WDR45B: variants seen among roughly 807,000 people sequenced by gnomAD.
WDR45B encodes the protein WD repeat domain 45B.
In WDR45B, 20 loss-of-function variants were observed where a neutral mutation model predicts 44.6. The ratio of observed to expected loss-of-function variants is 0.45; its 90% confidence interval spans 0.32 to 0.65. The LOEUF (loss-of-function observed/expected upper bound fraction) is 0.65. Among genes scored for constraint, WDR45B ranks in the 30% least tolerant of loss-of-function variants. The probability of loss-of-function intolerance (pLI) is 0.05; values close to 1 mark genes in which losing one functional copy is unlikely to be tolerated. For synonymous variants in WDR45B, 169 were observed against 164.9 expected, an observed-to-expected ratio of 1.02 and a Z score of -0.19; for missense variants, 323 against 430.2, an observed-to-expected ratio of 0.75 and a Z score of 2.20.
intron 2 of WDR45B, among the ~76,000 whole-genome samples, chr17:82,639,662 G>A (rs995695975): frequency 1.1e-4 from 16 of 151,998 alleles, no homozygotes; most frequent in African/African-American, 3.6e-4. Flanking sequence ...GCCGGGCTGT[G>A]TGTGTGTCGG....
intron 2 of WDR45B, among the ~76,000 whole-genome samples, chr17:82,631,277 ATTTTTTTTTTTT>A (rs386386786): frequency 5.8e-5 from 5 of 86,822 alleles, no homozygotes; most frequent in African/African-American, 2.6e-4. Flanking sequence ...TACAGGACTC[ATTTTTTTTTTTT>A]TTTTTTTTTT....
intron 1 of WDR45B, among the ~76,000 whole-genome samples, chr17:82,647,113 C>T (rs1487959670): frequency 6.6e-6 from 1 of 152,176 alleles, no homozygotes. Context: ...CCTGTAATCC[C>T]AGCTACTCAG....
At chr17:82,629,531 C>A in intron 3 of WDR45B, 1 of 985,536 alleles carries the variant, frequency 1.0e-6, no homozygotes, top group Non-Finnish European at 1.2e-6. Flanking sequence ...ACAGACAAAC[C>A]TTGTGAGATT....
intron 6 of WDR45B, among the ~76,000 whole-genome samples, chr17:82,619,833 A>T (rs900465800): frequency 6.6e-6 from 1 of 152,204 alleles, no homozygotes; most frequent in Non-Finnish European, 1.5e-5. Flanking sequence ...GGGACAAGGC[A>T]GGAGCAGCCT....
intron 3 of WDR45B, among the ~76,000 whole-genome samples, chr17:82,630,703 C>T (rs147209181): frequency 6.6e-6 from 1 of 152,326 alleles, no homozygotes; most frequent in South Asian, 2.1e-4. Flanking sequence ...CTGAAACGCA[C>T]GTGTTCTATG....
At chr17:82,647,924 T>C (rs534430646) in intron 1 of WDR45B, among the ~76,000 whole-genome samples, 8 of 149,092 alleles carry the variant, frequency 5.4e-5, no homozygotes, top group African/African-American at 2.0e-4. Flanking sequence ...CGAGTGGGCG[T>C]GGCGCGCGGG....
At chr17:82,625,615 A>G (rs2045685523) in intron 4 of WDR45B, 132 bp from the exon 5 acceptor site, 1 of 962,922 alleles carries the variant, frequency 1.0e-6, no homozygotes, top group East Asian at 2.7e-5. Flanking sequence ...TCCTGAAGAA[A>G]AAGCTCTGGA....
At chr17:82,621,586 A>G (rs1251906222) in intron 6 of WDR45B, 23 bp downstream of exon 6, 1 of 1,613,858 alleles carries the variant, frequency 6.2e-7, no homozygotes, top group Non-Finnish European at 8.5e-7. Flanking sequence ...GCACAACACC[A>G]ACAAGGTGAG....
At chr17:82,619,294 G>A (rs1233094911) in intron 6 of WDR45B, among the ~76,000 whole-genome samples, 166 bp from the exon 7 acceptor site, 1 of 152,088 alleles carries the variant, frequency 6.6e-6, no homozygotes, top group Non-Finnish European at 1.5e-5. Context: ...ACACAGTTGT[G>A]CCCCTGAGAA....
intron 2 of WDR45B, among the ~76,000 whole-genome samples, chr17:82,636,297 G>A (rs764638553): frequency 9.3e-5 from 14 of 150,336 alleles, no homozygotes; most frequent in Non-Finnish European, 1.3e-4. Flanking sequence ...AACACAGTCA[G>A]TCACAGGCAC....
rs1418503840 is a variant in WDR45B at position 82,615,873 on chromosome 17, G to A, written c.*46C>T. 4 of 1,576,810 alleles carry A rather than the reference G, an allele frequency of 2.5e-6. No individual in the cohort carries two copies. Among genetic ancestry groups the A allele is most frequent in the Non-Finnish European group, 3.5e-6 (4 of 1,147,438 alleles). ...TGGGGCACTGGCACCAGCCCCGAGA[G>A]TCTGAAGGCGGCAGGTGGTGGGTGC... On this transcript the variant is annotated 3_prime_UTR_variant, in exon 10 of 10. Coordinates refer to ENST00000392325, the MANE Select transcript of WDR45B (RefSeq NM_019613.4).
At chr17:82,619,228 C>T (rs1452132275) in intron 6 of WDR45B, 100 bp from the exon 7 acceptor site, 1 of 1,079,830 alleles carries the variant, frequency 9.3e-7, no homozygotes, top group African/African-American at 1.6e-5. Context: ...CCACACAAGC[C>T]TTTCTCAAAC....
intron 7 of WDR45B, among the ~76,000 whole-genome samples, chr17:82,618,705 G>A (rs2045572148): frequency 6.6e-6 from 1 of 152,064 alleles, no homozygotes; most frequent in Non-Finnish European, 1.5e-5. Context: ...CTGCACTCCA[G>A]CCTGGGCGAC....
chr17:82,639,967 T>C (rs991094663), intron 2 of WDR45B, among the ~76,000 whole-genome samples: 2 of 44,368 alleles, frequency 4.5e-5, no homozygotes, highest in African/African-American at 2.0e-4. Flanking sequence ...TGCTGGGCTG[T>C]GTGTGGGTCG....
Position 82,648,413 on chromosome 17 carries a change from G to A in WDR45B, c.-73C>T, listed in dbSNP as rs550506169. 14 of 1,552,582 alleles carry A rather than the reference G, an allele frequency of 9.0e-6. No individual in the cohort carries two copies. The East Asian group carries it at 1.7e-4, about 19-fold the overall frequency. On this transcript the variant is annotated 5_prime_UTR_variant, in exon 1 of 10. Coordinates refer to ENST00000392325, the MANE Select transcript of WDR45B (RefSeq NM_019613.4). The stretch of plus-strand genomic sequence containing the variant: ...CTGGGGACGGCGGCCTGGTCCCTTC[G>A]GGCCGGCGCTGAGGCCGCCGCGGCC...
intron 2 of WDR45B, among the ~76,000 whole-genome samples, chr17:82,636,986 G>C (rs563764410): frequency 6.6e-6 from 1 of 152,104 alleles, no homozygotes; most frequent in South Asian, 2.1e-4. Flanking sequence ...CAGAGATAGG[G>C]ACTGCGTTCA....
intron 2 of WDR45B, among the ~76,000 whole-genome samples, chr17:82,631,725 G>A (rs1476988478): frequency 2.6e-5 from 4 of 151,336 alleles, no homozygotes; most frequent in African/African-American, 7.3e-5. Context: ...CATAAAGGCT[G>A]AGCACACAAC....
intron 1 of WDR45B, among the ~76,000 whole-genome samples, chr17:82,646,513 C>CAAAAAAAAAAAAAAAAAA (rs1491582349): frequency 1.5e-4 from 4 of 27,080 alleles, no homozygotes; most frequent in Non-Finnish European, 1.9e-4. Flanking sequence ...AAAAAAAAAA[C>CAAAAAAAAAAAAAAAAAA]CCAAAACAAA....
chr17:82,632,030 G>A (rs528740637), intron 2 of WDR45B, among the ~76,000 whole-genome samples: 4 of 151,272 alleles, frequency 2.6e-5, no homozygotes, highest in African/African-American at 9.7e-5. Context: ...GCAGTGAGCC[G>A]AGATCACACC....
Sources: gnomAD v4.1 joint callset for allele counts (sites outside exome capture counted in the v4.1 genomes callset) on GRCh38, gnomAD v4.1.1 for gene constraint, MANE v1.5 for transcripts, NCBI Gene and HGNC (gene_info 2026-07-23, HGNC 2026-07-21) for gene names.